Variants in PPP1R16B observed in about 807,000 individuals in gnomAD.
PPP1R16B encodes the protein protein phosphatase 1 regulatory inhibitor subunit 16B.
PPP1R16B carries 14 observed loss-of-function variants against 61.7 expected under a neutral mutation model. That is an observed-to-expected ratio of 0.23 (90% CI 0.15 to 0.35). The LOEUF (loss-of-function observed/expected upper bound fraction) is 0.35. PPP1R16B is among the 10% of genes least tolerant of loss of function. The probability of loss-of-function intolerance (pLI) is 1.00; values close to 1 mark genes in which losing one functional copy is unlikely to be tolerated. For missense variants in PPP1R16B, 547 were observed against 752.5 expected (o/e 0.73, Z 3.19); for synonymous variants, 266 against 305.3 (o/e 0.87, Z 1.34).
chr20:38,883,136 C>T (rs1274968831), intron 2 of PPP1R16B, among the ~76,000 whole-genome samples: 5 of 152,358 alleles, frequency 3.3e-5, no homozygotes, highest in African/African-American at 9.6e-5. Flanking sequence ...CTGCAAGTCA[C>T]ATGGCGAGGT....
At chr20:38,842,537 C>T (rs1183890296) in intron 2 of PPP1R16B, among the ~76,000 whole-genome samples, 1 of 152,168 alleles carries the variant, frequency 6.6e-6, no homozygotes, top group African/African-American at 2.4e-5. Context: ...TGATTTTTCT[C>T]ACTGTAAAAG....
At position 38,900,497 on chromosome 20, in the gene PPP1R16B, G is replaced by A. The variant is rs1302672187; in HGVS notation, c.468-84G>A. 6.9e-6 allele frequency: 7 copies of A among 1,013,468 alleles called. No homozygotes were observed. In the East Asian group the frequency reaches 1.3e-4, roughly 19 times the overall value. 62.8% of individuals were successfully genotyped at this position (1,013,468 alleles called of 1,614,324 possible). ...GAGTGCCGGGTTGTACAGTAGGATT[G>A]CAGGCGAGAGGCCAGAGGGCAGAGG... On this transcript the variant is annotated intron_variant, in intron 4 of 10. Transcript: ENST00000299824.
intron 10 of PPP1R16B, among the ~76,000 whole-genome samples, chr20:38,911,536 T>TC (rs2085490272): frequency 7.0e-6 from 1 of 143,854 alleles, no homozygotes. Flanking sequence ...CCATGCTCCT[T>TC]TTTTTTTTTT....
At chr20:38,896,027 C>T (rs2085341057) in intron 4 of PPP1R16B, among the ~76,000 whole-genome samples, 1 of 137,224 alleles carries the variant, frequency 7.3e-6, no homozygotes. Flanking sequence ...TCTTTCTTTC[C>T]TCTCTTCCTT....
intron 1 of PPP1R16B, among the ~76,000 whole-genome samples, chr20:38,812,491 G>A (rs1032321724): frequency 2.5e-4 from 38 of 152,172 alleles, no homozygotes; most frequent in African/African-American, 7.0e-4. Flanking sequence ...CTTGGCCAAC[G>A]GGAAGACATC....
intron 7 of PPP1R16B, 93 bp from the exon 8 acceptor site, chr20:38,906,886 G>A (rs2085447870): frequency 4.8e-6 from 5 of 1,038,948 alleles, no homozygotes; most frequent in Middle Eastern, 2.7e-4. Flanking sequence ...CATTCTTTGG[G>A]TCACATCCTA....
chr20:38,849,091 C>T (rs1429924128), intron 2 of PPP1R16B, among the ~76,000 whole-genome samples: 3 of 152,106 alleles, frequency 2.0e-5, no homozygotes, highest in Non-Finnish European at 4.4e-5. Context: ...TTTAGGAAAG[C>T]TGTAGGGTTT....
intron 2 of PPP1R16B, 98 bp downstream of exon 2, chr20:38,836,273 G>A (rs2084871829): frequency 6.7e-7 from 1 of 1,491,846 alleles, no homozygotes; most frequent in Non-Finnish European, 8.9e-7. Context: ...GGCAAGGCAG[G>A]TCTGCAGACC....
intron 1 of PPP1R16B, among the ~76,000 whole-genome samples, chr20:38,820,102 A>AT (rs1337649101): frequency 6.6e-6 from 1 of 152,232 alleles, no homozygotes; most frequent in Non-Finnish European, 1.5e-5. Flanking sequence ...TGTTGAGTGT[A>AT]ATTGTATATT....
At position 38,870,404 on chromosome 20, in the gene PPP1R16B, A is replaced by C. The variant is rs772812854; in HGVS notation, c.251-19191A>C. The stretch of plus-strand genomic sequence containing the variant: ...TCTGACTAAATGCTGTGAAGGAGTA[A>C]GCAAGGTGCTTTGATAGGGAACAGA... On this transcript the variant is annotated intron_variant, in intron 2 of 10. Transcript: ENST00000299824. 2.0e-4 allele frequency among the ~76,000 whole-genome samples: 31 copies of C among 152,322 alleles called. 1 individual carries two copies. Among genetic ancestry groups the C allele is most frequent in the Admixed American group, 6.5e-4 (10 of 15,296 alleles).
At chr20:38,845,720 T>C (rs2084932261) in intron 2 of PPP1R16B, among the ~76,000 whole-genome samples, 1 of 151,964 alleles carries the variant, frequency 6.6e-6, no homozygotes, top group Admixed American at 6.6e-5. Flanking sequence ...AGGGAGAGCA[T>C]ACTGACCGTA....
Position 38,908,196 on chromosome 20 carries a change from G to C in PPP1R16B, c.1194+3G>C. Reference sequence around the variant, plus strand: ...CAGACCAAGAGAATAAGGACCCTGTGAGTGGCCTCACGCCCTGCCCTAGTG... The same window carrying C: ...CAGACCAAGAGAATAAGGACCCTGTCAGTGGCCTCACGCCCTGCCCTAGTG... On this transcript the variant is annotated splice_donor_region_variant and intron_variant, in intron 10 of 10. Coordinates refer to ENST00000299824, the MANE Select transcript of PPP1R16B (RefSeq NM_015568.4). 6.2e-7 allele frequency: 1 copy of C among 1,614,218 alleles called. No individual in the cohort carries two copies. The highest frequency in any genetic ancestry group is 8.5e-7 in the Non-Finnish European group (1 of 1,180,040).
intron 2 of PPP1R16B, among the ~76,000 whole-genome samples, chr20:38,850,434 A>G (rs950439762): frequency 6.6e-6 from 1 of 152,164 alleles, no homozygotes; most frequent in Admixed American, 6.5e-5. Flanking sequence ...ATTCACCTCA[A>G]ATGAAATATT....
At chr20:38,830,918 C>G (rs975392991) in intron 1 of PPP1R16B, among the ~76,000 whole-genome samples, 4 of 152,162 alleles carry the variant, frequency 2.6e-5, no homozygotes, top group African/African-American at 4.8e-5. Flanking sequence ...TTACTCTTTA[C>G]TTTTAGCATG....
At position 38,852,747 on chromosome 20, in the gene PPP1R16B, C is replaced by CTTT. The variant is rs1185726609; in HGVS notation, c.250+16591_250+16593dup. ...CTTGGCTTCTAGGGACCACTGTTTC[C>CTTT]TTTTTTTTTTTTTTTTTTTTTGCGG... On this transcript the variant is annotated intron_variant, in intron 2 of 10. Coordinates refer to ENST00000299824, the MANE Select transcript of PPP1R16B (RefSeq NM_015568.4). Among the ~76,000 whole-genome samples the CTTT allele has an allele frequency of 5.0e-3, 159 of 31,512 alleles. 13 individuals carry two copies. Among genetic ancestry groups the CTTT allele is most frequent in the African/African-American group, 9.2e-3 (63 of 6,840 alleles). 20.7% of individuals were successfully genotyped at this position (31,512 alleles called of 152,430 possible).
intron 3 of PPP1R16B, among the ~76,000 whole-genome samples, chr20:38,890,203 G>A (rs918277566): frequency 2.6e-5 from 4 of 152,198 alleles, no homozygotes; most frequent in African/African-American, 9.7e-5. Context: ...CTCGTAACTG[G>A]TCCCCAGCAT....
chr20:38,889,540 T>C (rs1280536572), intron 2 of PPP1R16B, 55 bp from the exon 3 acceptor site: 2 of 1,470,004 alleles, frequency 1.4e-6, no homozygotes, highest in African/African-American at 1.4e-5. Context: ...GGCCCCTGCA[T>C]GCCTGCACAC....
chr20:38,917,414 C>G (rs561671193), intron 10 of PPP1R16B, among the ~76,000 whole-genome samples: 2 of 151,766 alleles, frequency 1.3e-5, no homozygotes, highest in Non-Finnish European at 2.9e-5. Flanking sequence ...TGACCTTGTT[C>G]CCTGTTCATG....
At chr20:38,882,080 G>A (rs778365068) in intron 2 of PPP1R16B, among the ~76,000 whole-genome samples, 13 of 152,288 alleles carry the variant, frequency 8.5e-5, no homozygotes, top group East Asian at 7.7e-4. Flanking sequence ...ACTTATCCTC[G>A]TAACTGGATT....
Sources: allele counts gnomAD v4.1 joint callset (sites outside exome capture counted in the v4.1 genomes callset), GRCh38; gene constraint gnomAD v4.1.1; transcripts MANE v1.5; gene names NCBI Gene and HGNC (gene_info 2026-07-23, HGNC 2026-07-21).